Variants in SLA2 observed in about 807,000 individuals in gnomAD.
SLA2 encodes src-like-adapter 2.
Under a neutral mutation model 27.3 loss-of-function variants are expected in SLA2, and 22 were observed. The ratio of observed to expected loss-of-function variants is 0.81; its 90% CI spans 0.58 to 1.15. SLA2 has a LOEUF of 1.15. Ranked by LOEUF, SLA2 falls within the 50% of genes most tolerant of loss-of-function variation. The pLI is 0.00. For missense variants in SLA2, 304 were observed against 322.2 expected (o/e 0.94, Z 0.43); for synonymous variants, 131 against 137.8 (o/e 0.95, Z 0.34).
At chr20:36,636,442 A>AG (rs1478283227) in intron 2 of SLA2, among the ~76,000 whole-genome samples, 1 of 141,976 alleles carries the variant, frequency 7.0e-6, no homozygotes. Context: ...AAAAAAAAAA[A>AG]AAAAAATACA....
At chr20:36,643,580 G>A (rs1978285342) in intron 1 of SLA2, among the ~76,000 whole-genome samples, 1 of 152,176 alleles carries the variant, frequency 6.6e-6, no homozygotes, top group Non-Finnish European at 1.5e-5. Flanking sequence ...GACCAGTCCT[G>A]TCTGGGGAGT....
At position 36,615,273 on chromosome 20, in the gene SLA2, G is replaced by A. The variant is rs1326899748; in HGVS notation, c.484C>T (p.Pro162Ser). Residue 162 changes from proline to serine, a missense_variant, in exon 6 of 8, where the codon CCG becomes TCG. Pro to Ser is a moderately conservative substitution (Grantham distance 74, BLOSUM62 -1). Coordinates refer to ENST00000262866, the MANE Select transcript of SLA2 (RefSeq NM_032214.4). Reference protein sequence around the residue: ...CLDNGWLYISPRLTFPSLQAL... With the variant: ...CLDNGWLYISSRLTFPSLQAL... ...TGGAGTGAGGGGAAGGTGAGGCGCG[G>A]TGAGATGTACAGCCAGCCATTGTCA... The A allele has an allele frequency of 6.2e-7, 1 of 1,614,142 alleles. No homozygotes were observed. Among genetic ancestry groups the A allele is most frequent in the East Asian group, 2.2e-5 (1 of 44,882 alleles).
At chr20:36,643,581 T>C (rs941090922) in intron 1 of SLA2, among the ~76,000 whole-genome samples, 4 of 152,098 alleles carry the variant, frequency 2.6e-5, no homozygotes, top group Non-Finnish European at 4.4e-5. Flanking sequence ...ACCAGTCCTG[T>C]CTGGGGAGTA....
chr20:36,636,623 A>AAAATATATATAT (rs1387991352), intron 2 of SLA2, among the ~76,000 whole-genome samples: 2 of 114,712 alleles, frequency 1.7e-5, no homozygotes, highest in African/African-American at 4.0e-5. Flanking sequence ...AAAAAAAAAA[A>AAAATATATATAT]ATATATATAT....
chr20:36,640,832 A>C, intron 2 of SLA2, among the ~76,000 whole-genome samples: 1 of 152,094 alleles, frequency 6.6e-6, no homozygotes, highest in East Asian at 1.9e-4. Context: ...CTAAAATGTT[A>C]AATTTAAGCA....
At chr20:36,642,881 G>A (rs1053670690) in intron 1 of SLA2, among the ~76,000 whole-genome samples, 6 of 151,872 alleles carry the variant, frequency 4.0e-5, no homozygotes, top group South Asian at 4.1e-4. Flanking sequence ...CACCGCACCC[G>A]GTCCTTTTTT....
chr20:36,636,610 A>AG (rs2147994030), intron 2 of SLA2, among the ~76,000 whole-genome samples: 1 of 99,086 alleles, frequency 1.0e-5, no homozygotes, highest in Admixed American at 9.9e-5. Context: ...CATCTCAAAA[A>AG]GAAAAAAAAA....
intron 1 of SLA2, among the ~76,000 whole-genome samples, chr20:36,641,756 G>T (rs532766482): frequency 6.6e-6 from 1 of 152,118 alleles, no homozygotes; most frequent in East Asian, 1.9e-4. Flanking sequence ...GGCTCACTTA[G>T]AACCCTTTCT....
chr20:36,632,086 G>A (rs536075095), intron 5 of SLA2, among the ~76,000 whole-genome samples: 140 of 152,196 alleles, frequency 9.2e-4, no homozygotes, highest in Non-Finnish European at 8.2e-4. Context: ...GCATCCTCTC[G>A]TTTCCCCCAA....
At chr20:36,614,106 C>A (rs763559977) in intron 7 of SLA2, 120 bp from the exon 8 acceptor site, 8 of 1,496,272 alleles carry the variant, frequency 5.3e-6, no homozygotes, top group Non-Finnish European at 7.3e-6. Context: ...ATGGGGCTCC[C>A]CTGTTCCCTA....
At chr20:36,645,135 T>C (rs1270553255) in intron 1 of SLA2, among the ~76,000 whole-genome samples, 4 of 151,166 alleles carry the variant, frequency 2.6e-5, no homozygotes, top group African/African-American at 9.7e-5. Context: ...AGGCCAGGAG[T>C]TCGAGACCAG....
intron 2 of SLA2, among the ~76,000 whole-genome samples, chr20:36,636,626 ATATAT>A (rs1568609115): frequency 8.4e-4 from 97 of 115,642 alleles, no homozygotes; most frequent in African/African-American, 3.7e-3. Context: ...AAAAAAAAAT[ATATAT>A]ATATATATAT....
At chr20:36,641,170 C>A (rs2039502898) in intron 2 of SLA2, 75 bp downstream of exon 2, 2 of 1,271,206 alleles carry the variant, frequency 1.6e-6, no homozygotes, top group Non-Finnish European at 2.3e-6. Context: ...AGCTGCTGGC[C>A]AGGAAGGCCC....
In SLA2 at chr20:36,612,364, G is replaced by T; in HGVS notation, c.*1502C>A. On this transcript the variant is annotated 3_prime_UTR_variant, in exon 8 of 8. Transcript: ENST00000262866. ...TTAATTTGATGCACCTCTGGATTCA[G>T]ATGAAACATTAAATTGTCTTCCTCG... 1.3e-6 allele frequency: 1 copy of T among 752,292 alleles called. No individual in the cohort carries two copies. Among genetic ancestry groups the T allele is most frequent in the Non-Finnish European group, 2.3e-6 (1 of 443,690 alleles). The allele number at this position is 752,292 out of a possible 1,614,324, so 46.6% of individuals were successfully genotyped here. A position where few individuals can be genotyped will look rare whatever the true frequency, so the allele number is the denominator to read the frequency against.
At chr20:36,621,472 T>G in intron 5 of SLA2, 1 of 403,576 alleles carries the variant, frequency 2.5e-6, no homozygotes. Context: ...AGACGGAGTC[T>G]TGCTGTGTCA....
intron 1 of SLA2, 138 bp from the exon 2 acceptor site, chr20:36,641,516 C>G: frequency 1.8e-6 from 1 of 549,568 alleles, no homozygotes; most frequent in Non-Finnish European, 3.3e-6. Context: ...AGGCTCCAGC[C>G]TCTCTGCCAG....
intron 6 of SLA2, 97 bp downstream of exon 6, chr20:36,615,128 G>A: frequency 6.4e-7 from 1 of 1,569,502 alleles, no homozygotes; most frequent in Non-Finnish European, 8.6e-7. Context: ...CTGTCTGTCT[G>A]AATACTCCAC....
At chr20:36,623,366 C>T (rs929507441) in intron 5 of SLA2, among the ~76,000 whole-genome samples, 1 of 151,578 alleles carries the variant, frequency 6.6e-6, no homozygotes, top group Non-Finnish European at 1.5e-5. Context: ...GTTCTTACCG[C>T]TTCTACTCAG....
rs1044901822 is a variant in SLA2 at position 36,633,474 on chromosome 20, A to C, written c.278+69T>G. ...AGCTTTGCTCAGCGCAGAGCCGTGC[A>C]CAAAGGGGAGTTCTTGTGGGAGGAG... On this transcript the variant is annotated intron_variant, in intron 4 of 7. Coordinates refer to ENST00000262866, the MANE Select transcript of SLA2 (RefSeq NM_032214.4). 7 of 1,346,748 alleles carry C rather than the reference A, an allele frequency of 5.2e-6. No individual in the cohort carries two copies. In the Admixed American group the frequency reaches 6.7e-5, roughly 13 times the overall value. The allele number at this position is 1,346,748 out of a possible 1,614,324, so 83.4% of individuals were successfully genotyped here. A position where few individuals can be genotyped will look rare whatever the true frequency, so the allele number is the denominator to read the frequency against.
Sources: allele counts gnomAD v4.1 joint callset (sites outside exome capture counted in the v4.1 genomes callset), GRCh38; gene constraint gnomAD v4.1.1; transcripts MANE v1.5; gene names NCBI Gene and HGNC (gene_info 2026-07-23, HGNC 2026-07-21).